Variants in MECOM observed in about 807,000 individuals in gnomAD.
MECOM encodes the protein histone-lysine N-methyltransferase MECOM.
In MECOM, 13 loss-of-function variants were observed where a neutral mutation model predicts 116.3. The observed-to-expected ratio is 0.11, with a 90% confidence interval of 0.07 to 0.18. The LOEUF (loss-of-function observed/expected upper bound fraction) is 0.18, where lower values mean the gene tolerates loss of function less well. Ranked by LOEUF, MECOM falls within the 10% of genes least tolerant of loss-of-function variation. The probability of loss-of-function intolerance (pLI) is 1.00; values close to 1 mark genes in which losing one functional copy is unlikely to be tolerated. For missense variants in MECOM, 1,299 were observed against 1,509.0 expected, an observed-to-expected ratio of 0.86 and a Z score of 2.31; for synonymous variants, 528 against 535.2, an observed-to-expected ratio of 0.99 and a Z score of 0.19.
At chr3:169,176,976 G>C (rs749302258) in intron 2 of MECOM, among the ~76,000 whole-genome samples, 3 of 152,168 alleles carry the variant, frequency 2.0e-5, no homozygotes, top group Non-Finnish European at 4.4e-5. Flanking sequence ...ATAGATGCTG[G>C]TGAGGCTGTG....
intron 2 of MECOM, among the ~76,000 whole-genome samples, chr3:169,289,057 C>T (rs1163919292): frequency 6.6e-6 from 1 of 152,214 alleles, no homozygotes; most frequent in East Asian, 1.9e-4. Flanking sequence ...TATAAACTCA[C>T]TAGCATGTGC....
intron 1 of MECOM, among the ~76,000 whole-genome samples, chr3:169,441,708 G>A (rs1257073141): frequency 6.9e-6 from 1 of 145,896 alleles, no homozygotes; most frequent in African/African-American, 2.5e-5. Context: ...TTTTAGCTAT[G>A]TTACACTTCT....
At chr3:169,097,462 T>C (rs1721983548) in intron 12 of MECOM, among the ~76,000 whole-genome samples, 1 of 152,072 alleles carries the variant, frequency 6.6e-6, no homozygotes, top group Admixed American at 6.5e-5. Context: ...TATTAAGCCT[T>C]CCTAGTTATT....
intron 9 of MECOM, among the ~76,000 whole-genome samples, chr3:169,112,231 T>C (rs975605306): frequency 2.0e-5 from 3 of 152,150 alleles, no homozygotes; most frequent in Non-Finnish European, 4.4e-5. Context: ...ACTGTATATA[T>C]TTTGATAAAT....
chr3:169,648,151 A>G (rs1477192), intron 1 of MECOM, among the ~76,000 whole-genome samples: 4,228 of 152,296 alleles, frequency 0.028, 186 homozygotes, highest in African/African-American at 0.093. Context: ...AGAAGGAAAC[A>G]AATGTCACAT....
At chr3:169,236,473 G>A (rs190563209) in intron 2 of MECOM, among the ~76,000 whole-genome samples, 27 of 152,226 alleles carry the variant, frequency 1.8e-4, no homozygotes. Context: ...AAACCAGATA[G>A]GGTATCAATG....
rs530790071 is a variant in MECOM at position 169,259,824 on chromosome 3, A to G, written c.376-115992T>C. The stretch of plus-strand genomic sequence containing the variant: ...AACGAAGAATGTGTTTGCTGAAAGC[A>G]GGGTGATATGTTGATGTTGAGTAAG... On this transcript the variant is annotated intron_variant, in intron 2 of 16. Coordinates refer to ENST00000651503, the MANE Select transcript of MECOM (RefSeq NM_004991.4). 2.6e-5 allele frequency among the ~76,000 whole-genome samples: 4 copies of G among 152,370 alleles called. No individual in the cohort carries two copies. The East Asian group carries it at 7.7e-4, about 29-fold the overall frequency.
intron 1 of MECOM, among the ~76,000 whole-genome samples, chr3:169,631,100 T>A (rs538341047): frequency 6.6e-6 from 1 of 152,358 alleles, no homozygotes; most frequent in East Asian, 1.9e-4. Context: ...TGCAGAAGGA[T>A]CCCTAGCCTT....
chr3:169,418,646 C>T (rs554417047), intron 1 of MECOM, among the ~76,000 whole-genome samples: 1 of 152,146 alleles, frequency 6.6e-6, no homozygotes, highest in South Asian at 2.1e-4. Context: ...TGACAAAAAC[C>T]ACATGATTAT....
intron 2 of MECOM, among the ~76,000 whole-genome samples, chr3:169,190,293 G>A (rs1018630400): frequency 6.6e-6 from 1 of 151,934 alleles, no homozygotes; most frequent in Non-Finnish European, 1.5e-5. Context: ...AAAGTCGGGA[G>A]TCTTTTCCAG....
At chr3:169,506,357 G>A (rs960217027) in intron 1 of MECOM, among the ~76,000 whole-genome samples, 2 of 152,158 alleles carry the variant, frequency 1.3e-5, no homozygotes, top group African/African-American at 4.8e-5. Context: ...CGCTGGTGCC[G>A]TGGGGACTAA....
intron 1 of MECOM, among the ~76,000 whole-genome samples, chr3:169,654,964 A>G (rs1465485159): frequency 1.3e-5 from 2 of 152,228 alleles, no homozygotes; most frequent in African/African-American, 2.4e-5. Flanking sequence ...ATGAATCTGG[A>G]CATTGCAAAC....
chr3:169,485,914 T>TA (rs1560340092), intron 1 of MECOM, among the ~76,000 whole-genome samples: 2 of 61,884 alleles, frequency 3.2e-5, no homozygotes, highest in African/African-American at 1.4e-4. Flanking sequence ...TATATATGTA[T>TA]GTATATATAG....
intron 2 of MECOM, among the ~76,000 whole-genome samples, chr3:169,319,372 A>C (rs535602982): frequency 6.6e-6 from 1 of 152,280 alleles, no homozygotes; most frequent in Admixed American, 6.5e-5. Context: ...GGAGTTGAAC[A>C]ATGAGAACAC....
At chr3:169,379,160 GAA>G (rs546780284) in intron 2 of MECOM, among the ~76,000 whole-genome samples, 2 of 131,162 alleles carry the variant, frequency 1.5e-5, no homozygotes, top group South Asian at 2.4e-4. Context: ...GATTAAAAGA[GAA>G]AAAAAAAAAA....
At chr3:169,339,752 C>G (rs1472997111) in intron 2 of MECOM, among the ~76,000 whole-genome samples, 1 of 151,902 alleles carries the variant, frequency 6.6e-6, no homozygotes, top group Non-Finnish European at 1.5e-5. Context: ...TAAAAAATGA[C>G]ATTTAAAAAA....
chr3:169,532,547 C>T (rs897037435), intron 1 of MECOM, among the ~76,000 whole-genome samples: 3 of 152,154 alleles, frequency 2.0e-5, no homozygotes, highest in African/African-American at 4.8e-5. Context: ...ATAATTAAGA[C>T]GTTCAGAATT....
chr3:169,388,883 G>T (rs1259376833), intron 1 of MECOM, among the ~76,000 whole-genome samples: 1 of 152,012 alleles, frequency 6.6e-6, no homozygotes, highest in East Asian at 1.9e-4. Flanking sequence ...CTTCCTTATG[G>T]AACTTTTCCC....
At chr3:169,289,228 T>C (rs1451448864) in intron 2 of MECOM, among the ~76,000 whole-genome samples, 1 of 152,116 alleles carries the variant, frequency 6.6e-6, no homozygotes, top group Non-Finnish European at 1.5e-5. Flanking sequence ...ATTAGCAAGG[T>C]AGAGATGAGA....
Sources: allele counts gnomAD v4.1 joint callset (sites outside exome capture counted in the v4.1 genomes callset), GRCh38; gene constraint gnomAD v4.1.1; transcripts MANE v1.5; gene names NCBI Gene and HGNC (gene_info 2026-07-23, HGNC 2026-07-21).